LY96: variants seen among roughly 807,000 people sequenced by gnomAD.
The protein encoded by LY96 is myeloid differentiation protein-2.
In LY96, 18 loss-of-function variants were observed where a neutral mutation model predicts 18.9. The ratio of observed to expected loss-of-function variants is 0.95; its 90% CI spans 0.66 to 1.41. The LOEUF (loss-of-function observed/expected upper bound fraction) is 1.41, where lower values mean the gene tolerates loss of function less well. LY96 is among the 40% of genes most tolerant of loss of function. The pLI, the probability that LY96 is intolerant of heterozygous loss-of-function variation, is 0.00. For synonymous variants in LY96, 66 were observed against 62.6 expected (o/e 1.06, Z -0.26); for missense variants, 175 against 182.4 (o/e 0.96, Z 0.23).
chr8:73,991,901 T>C (rs16938755), intron 1 of LY96, among the ~76,000 whole-genome samples: 28,547 of 152,076 alleles, frequency 0.19, 3,284 homozygotes, highest in African/African-American at 0.32. Flanking sequence ...TTACTAGTTC[T>C]TCTTCTTGAG....
chr8:74,081,087 C>CCCTTTCTT, the LY96 span, among the ~76,000 whole-genome samples: 1 of 92,954 alleles, frequency 1.1e-5, no homozygotes, highest in Admixed American at 1.2e-4. Flanking sequence ...TTCTCTTTCT[C>CCCTTTCTT]TCTTTCTTTC....
At chr8:74,087,586 G>T in the LY96 span, among the ~76,000 whole-genome samples, 1 of 152,120 alleles carries the variant, frequency 6.6e-6, no homozygotes, top group South Asian at 2.1e-4. Flanking sequence ...GGTGGCCAAG[G>T]TTCACTGTTT....
chr8:74,001,658 C>T (rs1816271820), intron 1 of LY96, among the ~76,000 whole-genome samples: 2 of 151,838 alleles, frequency 1.3e-5, no homozygotes, highest in South Asian at 4.2e-4. Context: ...TCAAGACCAG[C>T]CTGGGCAACA....
chr8:74,005,380 G>A (rs1816390307), intron 2 of LY96, among the ~76,000 whole-genome samples: 2 of 152,270 alleles, frequency 1.3e-5, no homozygotes, highest in East Asian at 1.9e-4. Flanking sequence ...TCTTTGCTGT[G>A]TTCTATTGGT....
chr8:73,999,968 T>G (rs991803141), intron 1 of LY96, among the ~76,000 whole-genome samples: 11 of 152,368 alleles, frequency 7.2e-5, no homozygotes, highest in South Asian at 2.1e-4. Flanking sequence ...AGTACTATGT[T>G]GACCAAGAGT....
At chr8:74,088,408 T>C in the LY96 span, among the ~76,000 whole-genome samples, 1 of 152,162 alleles carries the variant, frequency 6.6e-6, no homozygotes, top group Non-Finnish European at 1.5e-5. Flanking sequence ...TCAAAGCAGT[T>C]GCTAAGTCTT....
At chr8:74,049,224 T>C in the LY96 span, among the ~76,000 whole-genome samples, 1 of 152,318 alleles carries the variant, frequency 6.6e-6, no homozygotes, top group Non-Finnish European at 1.5e-5. Flanking sequence ...TTAATAAATA[T>C]TTGTTGAATA....
chr8:74,068,993 C>A, the LY96 span, among the ~76,000 whole-genome samples: 1 of 152,182 alleles, frequency 6.6e-6, no homozygotes, highest in Admixed American at 6.5e-5. Context: ...CAGGGTTTCA[C>A]CACGTTGGTC....
intron 3 of LY96, among the ~76,000 whole-genome samples, chr8:74,013,302 T>C (rs531336755): frequency 2.6e-5 from 4 of 152,098 alleles, no homozygotes; most frequent in Non-Finnish European, 5.9e-5. Context: ...TTTGTATTTT[T>C]AGTAGAGACA....
At chr8:74,054,828 T>C in the LY96 span, among the ~76,000 whole-genome samples, 1 of 151,564 alleles carries the variant, frequency 6.6e-6, no homozygotes, top group African/African-American at 2.4e-5. Context: ...CATGCCCAGT[T>C]AATTTTTTTA....
chr8:74,014,484 GT>G (rs59403354), intron 3 of LY96, among the ~76,000 whole-genome samples: 26,733 of 131,342 alleles, frequency 0.2, 3,060 homozygotes, highest in African/African-American at 0.34. Flanking sequence ...GAACAGGCAG[GT>G]TTTTTTTTTT....
intron 2 of LY96, among the ~76,000 whole-genome samples, chr8:74,006,468 G>C (rs1816414403): frequency 6.6e-6 from 1 of 152,100 alleles, no homozygotes; most frequent in Non-Finnish European, 1.5e-5. Flanking sequence ...AAAGTGCTGG[G>C]ATTACAGGCG....
intron 3 of LY96, among the ~76,000 whole-genome samples, chr8:74,014,957 AG>A (rs1816613512): frequency 6.6e-6 from 1 of 152,178 alleles, no homozygotes; most frequent in African/African-American, 2.4e-5. Context: ...CTGCAATCCC[AG>A]CACTTTGTGA....
chr8:74,050,625 A>G, the LY96 span, among the ~76,000 whole-genome samples: 14 of 152,320 alleles, frequency 9.2e-5, no homozygotes, highest in Non-Finnish European at 1.8e-4. Flanking sequence ...ACATTTCTTA[A>G]CGTTGTTTTC....
intron 3 of LY96, among the ~76,000 whole-genome samples, chr8:74,013,018 G>A (rs190480738): frequency 1.3e-5 from 2 of 152,096 alleles, no homozygotes; most frequent in Admixed American, 1.3e-4. Context: ...GTGCAGTGGT[G>A]CAACCATAGC....
the LY96 span, among the ~76,000 whole-genome samples, chr8:74,075,452 G>A: frequency 1.3e-5 from 2 of 151,858 alleles, no homozygotes; most frequent in African/African-American, 4.8e-5. Context: ...TATTTTTTTT[G>A]TTGAGACAAG....
chr8:74,029,387 A>C (rs1251671597), downstream of LY96, among the ~76,000 whole-genome samples: 1 of 152,196 alleles, frequency 6.6e-6, no homozygotes, highest in East Asian at 1.9e-4. Context: ...CTTGAATTGT[A>C]GTTCCCATAA....
the LY96 span, among the ~76,000 whole-genome samples, chr8:74,081,038 CT>C: frequency 3.3e-4 from 36 of 110,744 alleles, no homozygotes; most frequent in African/African-American, 7.4e-4. Flanking sequence ...TTCTTTCTTT[CT>C]TTCTTTCTTT....
chr8:74,013,703 G>T (rs1257328425), intron 3 of LY96, among the ~76,000 whole-genome samples: 1 of 152,128 alleles, frequency 6.6e-6, no homozygotes, highest in Non-Finnish European at 1.5e-5. Context: ...AGGGTGAGGG[G>T]GAAAAACATT....
Sources: allele counts gnomAD v4.1 joint callset (sites outside exome capture counted in the v4.1 genomes callset), GRCh38; gene constraint gnomAD v4.1.1; transcripts MANE v1.5; gene names NCBI Gene and HGNC (gene_info 2026-07-23, HGNC 2026-07-21).